CDH18: variants seen among roughly 807,000 people sequenced by gnomAD.
CDH18 encodes cadherin-18.
CDH18 carries 31 observed loss-of-function variants against 67.9 expected under a neutral mutation model. The ratio of observed to expected loss-of-function variants is 0.46; its 90% CI spans 0.34 to 0.62. The LOEUF (loss-of-function observed/expected upper bound fraction) is 0.62. CDH18 is among the 20% of genes least tolerant of loss of function. The probability of loss-of-function intolerance (pLI) is 0.01; values close to 1 mark genes in which losing one functional copy is unlikely to be tolerated. For synonymous variants in CDH18, 362 were observed against 347.2 expected (o/e 1.04, Z -0.48); for missense variants, 890 against 975.5 (o/e 0.91, Z 1.17).
chr5:19,795,504 A>G (rs997406682), intron 3 of CDH18, among the ~76,000 whole-genome samples: 1 of 152,156 alleles, frequency 6.6e-6, no homozygotes, highest in East Asian at 1.9e-4. Flanking sequence ...ACTTAGTAAG[A>G]CTGAAATAAA....
chr5:20,137,119 A>G (rs1285934620), intron 2 of CDH18, among the ~76,000 whole-genome samples: 1 of 152,014 alleles, frequency 6.6e-6, no homozygotes, highest in East Asian at 1.9e-4. Context: ...CTGAATTTGA[A>G]TGTTGGCCTG....
chr5:19,782,824 T>A (rs189236339), intron 3 of CDH18, among the ~76,000 whole-genome samples: 2 of 152,338 alleles, frequency 1.3e-5, no homozygotes, highest in East Asian at 1.9e-4. Flanking sequence ...AAACTCTGCA[T>A]GGAGAAGACA....
chr5:20,395,173 A>G (rs539347986), intron 1 of CDH18, among the ~76,000 whole-genome samples: 1 of 152,312 alleles, frequency 6.6e-6, no homozygotes, highest in Non-Finnish European at 1.5e-5. Context: ...CACAAGTACA[A>G]AAACATGCAA....
intron 5 of CDH18, among the ~76,000 whole-genome samples, chr5:19,656,882 C>T (rs1756481537): frequency 6.6e-6 from 1 of 151,380 alleles, no homozygotes; most frequent in Non-Finnish European, 1.5e-5. Context: ...CTTTCTCTTT[C>T]TGTGTGTGTT....
Position 19,503,066 on chromosome 5 carries a change from T to C in CDH18, c.1556A>G (p.Asn519Ser), listed in dbSNP as rs567579355. ...ISATDKDDFANGPRFNFFLDE... is the reference protein window; with the variant it reads ...ISATDKDDFASGPRFNFFLDE... ...AAGAAAGAAGTTAAACCTTGGTCCA[T>C]TGGCAAAATCATCTTTATCAGTGGC... The change falls in exon 11 of 13, where the codon AAT becomes AGT. Residue 519 changes from asparagine to serine, a missense_variant. Asn to Ser is a conservative substitution (Grantham distance 46, BLOSUM62 1). Coordinates refer to ENST00000382275, the MANE Select transcript of CDH18 (RefSeq NM_004934.5). 16 of 1,612,136 alleles carry C rather than the reference T, an allele frequency of 9.9e-6. No homozygotes were observed. Among genetic ancestry groups the C allele is most frequent in the East Asian group, 4.5e-5 (2 of 44,810 alleles).
chr5:19,996,961 A>G (rs1736069042), intron 2 of CDH18, among the ~76,000 whole-genome samples: 1 of 152,054 alleles, frequency 6.6e-6, no homozygotes, highest in Admixed American at 6.6e-5. Context: ...CAAAGCAATG[A>G]TCTAGGTTTT....
intron 1 of CDH18, among the ~76,000 whole-genome samples, chr5:20,499,776 A>G (rs1372842579): frequency 6.6e-6 from 1 of 152,188 alleles, no homozygotes; most frequent in African/African-American, 2.4e-5. Context: ...TATCTTATGC[A>G]TATAGCAAAT....
intron 3 of CDH18, among the ~76,000 whole-genome samples, chr5:19,808,372 T>C (rs1306916381): frequency 6.6e-6 from 1 of 151,626 alleles, no homozygotes; most frequent in Non-Finnish European, 1.5e-5. Context: ...TAGGCTCAAC[T>C]TTTAAATTAA....
intron 5 of CDH18, among the ~76,000 whole-genome samples, chr5:19,686,100 T>C (rs1761056688): frequency 6.6e-6 from 1 of 152,168 alleles, no homozygotes; most frequent in Non-Finnish European, 1.5e-5. Flanking sequence ...TAATTCATAC[T>C]AATATGTATT....
At chr5:20,524,472 C>CA (rs1755925079) in intron 1 of CDH18, among the ~76,000 whole-genome samples, 1 of 152,140 alleles carries the variant, frequency 6.6e-6, no homozygotes, top group African/African-American at 2.4e-5. Flanking sequence ...TTTATTTCCA[C>CA]TGTATTGCAG....
intron 5 of CDH18, among the ~76,000 whole-genome samples, chr5:19,705,898 TTAAC>T (rs1763885244): frequency 6.6e-6 from 1 of 152,172 alleles, no homozygotes; most frequent in Non-Finnish European, 1.5e-5. Flanking sequence ...ATTTTTGAAA[TTAAC>T]TAATTGGGTT....
chr5:19,780,826 AT>A (rs1300917782), intron 3 of CDH18, among the ~76,000 whole-genome samples: 2 of 152,054 alleles, frequency 1.3e-5, no homozygotes, highest in African/African-American at 4.8e-5. Flanking sequence ...TTCAAGTCAG[AT>A]TTTCTATTGG....
chr5:20,157,831 G>C (rs955591595), intron 2 of CDH18, among the ~76,000 whole-genome samples: 1 of 151,758 alleles, frequency 6.6e-6, no homozygotes, highest in African/African-American at 2.4e-5. Flanking sequence ...TAGTAGAGAT[G>C]GGGTTTCACC....
intron 1 of CDH18, among the ~76,000 whole-genome samples, chr5:20,381,643 G>T (rs1260959141): frequency 6.6e-6 from 1 of 152,000 alleles, no homozygotes; most frequent in Non-Finnish European, 1.5e-5. Context: ...GAAAATGTCT[G>T]GGACTTAATA....
chr5:19,641,943 A>G (rs1754056271), intron 5 of CDH18, among the ~76,000 whole-genome samples: 1 of 151,942 alleles, frequency 6.6e-6, no homozygotes, highest in South Asian at 2.1e-4. Flanking sequence ...TAGAGGTACT[A>G]AACAACAACA....
intron 4 of CDH18, among the ~76,000 whole-genome samples, chr5:19,743,363 T>C (rs1352358179): frequency 6.6e-6 from 1 of 152,144 alleles, no homozygotes; most frequent in Non-Finnish European, 1.5e-5. Flanking sequence ...CTCCCTATAA[T>C]AGCTTACAAT....
At chr5:20,526,057 G>A (rs1581152376) in intron 1 of CDH18, among the ~76,000 whole-genome samples, 1 of 151,448 alleles carries the variant, frequency 6.6e-6, no homozygotes, top group East Asian at 1.9e-4. Flanking sequence ...CAGTGCAAGG[G>A]AGGCTGGGTT....
rs138966510 is a variant in CDH18, at chr5:20,359,458, C to T, written c.-579-103953G>A. ...TTGCCTTTGGGGATCTTACATTGTT[C>T]TCACACTGAAAGCAGCTAAAAGAAT... On this transcript the variant is annotated intron_variant, in intron 1 of 14. Coordinates refer to the CDH18 transcript ENST00000507958. 1.8e-4 allele frequency among the ~76,000 whole-genome samples: 27 copies of T among 152,220 alleles called. No individual in the cohort carries two copies. The East Asian group carries it at 5.2e-3, about 29-fold the overall frequency.
At chr5:19,962,730 T>C (rs1201970999) in intron 2 of CDH18, among the ~76,000 whole-genome samples, 1 of 151,892 alleles carries the variant, frequency 6.6e-6, no homozygotes, top group African/African-American at 2.4e-5. Context: ...GAACCGAGAT[T>C]GCACCACCGC....
Sources: gnomAD v4.1 joint callset for allele counts (sites outside exome capture counted in the v4.1 genomes callset) on GRCh38, gnomAD v4.1.1 for gene constraint, MANE v1.5 for transcripts, NCBI Gene and HGNC (gene_info 2026-07-23, HGNC 2026-07-21) for gene names.